TJP2: variants seen among roughly 807,000 people sequenced by gnomAD.
TJP2 encodes the protein tight junction protein 2.
In TJP2, 91 loss-of-function variants were observed where a neutral mutation model predicts 133.1. The ratio of observed to expected loss-of-function variants is 0.68; its 90% CI spans 0.58 to 0.81. The LOEUF (loss-of-function observed/expected upper bound fraction) is 0.81. TJP2 is among the 40% of genes least tolerant of loss of function. The pLI is 0.00. For missense variants in TJP2, 1,541 were observed against 1,565.6 expected (o/e 0.98, Z 0.26); for synonymous variants, 592 against 583.4 (o/e 1.01, Z -0.21).
At chr9:69,214,652 A>C (rs1828211599) in intron 2 of TJP2, among the ~76,000 whole-genome samples, 1 of 152,110 alleles carries the variant, frequency 6.6e-6, no homozygotes. Context: ...GTGGATCACA[A>C]GGTCAGGAGA....
At chr9:69,154,806 A>T (rs10217797) in intron 2 of TJP2, among the ~76,000 whole-genome samples, 1,690 of 150,686 alleles carry the variant, frequency 0.011, 39 homozygotes, top group African/African-American at 0.037. Flanking sequence ...AATAAAAATT[A>T]AAAAAAAGAT....
intron 21 of TJP2, among the ~76,000 whole-genome samples, chr9:69,252,514 T>A (rs1831412464): frequency 1.3e-5 from 2 of 152,194 alleles, no homozygotes; most frequent in Admixed American, 1.3e-4. Flanking sequence ...CTCCTATAAG[T>A]AGAATCATAC....
intron 1 of TJP2, among the ~76,000 whole-genome samples, chr9:69,189,094 C>T (rs1311234121): frequency 2.6e-5 from 4 of 152,168 alleles, no homozygotes; most frequent in African/African-American, 9.7e-5. Context: ...CAGCTTTCTT[C>T]TACTATCTAA....
chr9:69,252,951 T>G lies in TJP2; in HGVS notation c.3407+51T>G, dbSNP rs1406834575. ...TCTAAGGCGGGGACTTCTCAAGGAC[T>G]GGGACTTGAAGAAAGAATTTCCTTT... On this transcript the variant is annotated intron_variant, in intron 22 of 22. Transcript: ENST00000377245. 2.6e-6 allele frequency: 4 copies of G among 1,543,488 alleles called. No individual in the cohort carries two copies. In the South Asian group the frequency reaches 4.5e-5, roughly 17 times the overall value.
intron 1 of TJP2, among the ~76,000 whole-genome samples, chr9:69,208,385 A>T (rs1389887343): frequency 6.6e-6 from 1 of 152,194 alleles, no homozygotes; most frequent in Non-Finnish European, 1.5e-5. Flanking sequence ...GCAAGGTCTG[A>T]TTGGTGGTGG....
At chr9:69,183,193 C>A (rs969924996) in intron 1 of TJP2, among the ~76,000 whole-genome samples, 1 of 152,170 alleles carries the variant, frequency 6.6e-6, no homozygotes, top group Non-Finnish European at 1.5e-5. Context: ...AATACACTCA[C>A]AGTATTTTGT....
chr9:69,249,999 G>A (rs141851525), intron 20 of TJP2, among the ~76,000 whole-genome samples: 5 of 152,294 alleles, frequency 3.3e-5, no homozygotes, highest in Admixed American at 2.6e-4. Flanking sequence ...AAAGACACAA[G>A]GGCTTATATC....
chr9:69,242,101 C>G (rs910593517), intron 17 of TJP2, among the ~76,000 whole-genome samples: 1 of 152,180 alleles, frequency 6.6e-6, no homozygotes, highest in African/African-American at 2.4e-5. Flanking sequence ...AGAGGAAGAA[C>G]TAGGCTGAAG....
At chr9:69,238,935 C>T in intron 16 of TJP2, 146 bp downstream of exon 16, 1 of 743,582 alleles carries the variant, frequency 1.3e-6, no homozygotes, top group Non-Finnish European at 2.3e-6. Context: ...CACCTGTAAT[C>T]CCAACACTTT....
At chr9:69,199,717 T>G (rs1015838842) in intron 1 of TJP2, among the ~76,000 whole-genome samples, 6 of 152,196 alleles carry the variant, frequency 3.9e-5, no homozygotes, top group Non-Finnish European at 8.8e-5. Flanking sequence ...CTTCCTTTCT[T>G]TCCTTTCTCC....
intron 2 of TJP2, among the ~76,000 whole-genome samples, chr9:69,214,803 G>T (rs1248926405): frequency 1.3e-5 from 2 of 149,388 alleles, no homozygotes; most frequent in Non-Finnish European, 3.0e-5. Flanking sequence ...AACCTAGGAG[G>T]CAGGGGTTGC....
chr9:69,129,940 G>A (rs1244910766), intron 1 of TJP2, among the ~76,000 whole-genome samples: 4 of 150,854 alleles, frequency 2.7e-5, no homozygotes, highest in African/African-American at 4.9e-5. Flanking sequence ...GCCTGAACCC[G>A]GGAGGCGGAG....
chr9:69,135,692 A>G (rs1163817105), intron 1 of TJP2, among the ~76,000 whole-genome samples: 1 of 149,420 alleles, frequency 6.7e-6, no homozygotes, highest in East Asian at 2.0e-4. Context: ...TGCAACCTCC[A>G]CCTCCCGGGT....
chr9:69,198,244 C>T (rs775372756), intron 1 of TJP2, among the ~76,000 whole-genome samples: 3 of 147,638 alleles, frequency 2.0e-5, no homozygotes, highest in Non-Finnish European at 4.4e-5. Flanking sequence ...CAGGTTCAAG[C>T]GATTCTCTTG....
rs1327553842 is a variant in TJP2, at chr9:69,251,020, C to T, written c.2992-15C>T. On this transcript the variant is annotated splice_polypyrimidine_tract_variant and intron_variant, in intron 20 of 22. Transcript: ENST00000377245. ...TTAAAAGCCCAGGGTGAAAACGTGT[C>T]ATTGCTCTCCGCAGGCCAAAACCCA... is the stretch of plus-strand genomic sequence containing the variant. The T allele has an allele frequency of 1.2e-6, 2 of 1,611,990 alleles. No individual in the cohort carries two copies. The highest frequency in any genetic ancestry group is 1.7e-6 in the Non-Finnish European group (2 of 1,178,228).
chr9:69,225,981 A>G (rs561721791), intron 6 of TJP2, 41 bp from the exon 7 acceptor site: 1 of 1,606,716 alleles, frequency 6.2e-7, no homozygotes, highest in South Asian at 1.1e-5. Context: ...TACTGTGAAT[A>G]ATTTTATTGC....
At chr9:69,253,821 C>G (rs1478962379) in intron 22 of TJP2, 3 of 297,268 alleles carry the variant, frequency 1.0e-5, no homozygotes, top group Non-Finnish European at 2.0e-5. Context: ...TCTTCTTTAC[C>G]AGCTGAGTGG....
chr9:69,219,890 T>C (rs1233838775), intron 4 of TJP2, among the ~76,000 whole-genome samples: 3 of 151,090 alleles, frequency 2.0e-5, no homozygotes, highest in Non-Finnish European at 2.9e-5. Context: ...CCAGGTTCAG[T>C]GGTTCACGCC....
chr9:69,211,106 G>A (rs1377291544), intron 1 of TJP2, among the ~76,000 whole-genome samples: 1 of 152,170 alleles, frequency 6.6e-6, no homozygotes, highest in African/African-American at 2.4e-5. Context: ...TTGGGAGGCC[G>A]AGGCAGGTGG....
Sources: allele counts gnomAD v4.1 joint callset (sites outside exome capture counted in the v4.1 genomes callset), GRCh38; gene constraint gnomAD v4.1.1; transcripts MANE v1.5; gene names NCBI Gene and HGNC (gene_info 2026-07-23, HGNC 2026-07-21).